FHIP1A: variants seen among roughly 807,000 people sequenced by gnomAD.
FHIP1A encodes FHF complex subunit HOOK interacting protein 1A.
FHIP1A carries 61 observed loss-of-function variants against 88.6 expected under a neutral mutation model. The observed-to-expected ratio is 0.69, with a 90% CI of 0.56 to 0.85. FHIP1A has a LOEUF of 0.85. Ranked by LOEUF, FHIP1A falls within the 40% of genes least tolerant of loss-of-function variation. The probability of loss-of-function intolerance (pLI) is 0.00; values close to 1 mark genes in which losing one functional copy is unlikely to be tolerated. For missense variants in FHIP1A, 1,154 were observed against 1,273.5 expected, an observed-to-expected ratio of 0.91 and a Z score of 1.43; for synonymous variants, 478 against 496.0, an observed-to-expected ratio of 0.96 and a Z score of 0.48.
intron 3 of FHIP1A, among the ~76,000 whole-genome samples, chr4:151,508,519 T>C (rs1331504713): frequency 6.6e-6 from 1 of 152,138 alleles, no homozygotes; most frequent in Admixed American, 6.5e-5. Context: ...AAATGATGAG[T>C]GGTGAGAAAG....
Position 151,577,901 on chromosome 4 carries a change from C to T in FHIP1A, c.557C>T (p.Thr186Ile). ...TCCATTTTAGAACTCTTCTTCCACA[C>T]TAGTGAAGACCAAGGCGCTGCCAAC... is the stretch of plus-strand genomic sequence containing the variant. ...DPSILELFFH[T>I]SEDQGAANFL... The change falls in exon 5 of 14, where the codon ACT (threonine) becomes ATT (isoleucine). Residue 186 changes from threonine (T) to isoleucine (I), a missense_variant. Coordinates refer to ENST00000435205, the MANE Select transcript of FHIP1A (RefSeq NM_001109977.3). 6.4e-7 allele frequency: 1 copy of T among 1,551,752 alleles called. No individual in the cohort carries two copies. The highest frequency in any genetic ancestry group is 8.7e-7 in the Non-Finnish European group (1 of 1,146,960).
intron 3 of FHIP1A, among the ~76,000 whole-genome samples, chr4:151,483,003 G>A (rs1304581976): frequency 1.3e-5 from 2 of 152,004 alleles, no homozygotes; most frequent in African/African-American, 2.4e-5. Context: ...CCAAGAAGGA[G>A]CAATAACATA....
intron 1 of FHIP1A, among the ~76,000 whole-genome samples, chr4:151,427,378 CTG>C (rs1407014249): frequency 6.6e-6 from 1 of 152,028 alleles, no homozygotes; most frequent in African/African-American, 2.4e-5. Context: ...TAAAATTAGA[CTG>C]TCTTTTTTTA....
chr4:151,485,628 G>C (rs1730056703), intron 3 of FHIP1A, among the ~76,000 whole-genome samples: 1 of 150,614 alleles, frequency 6.6e-6, no homozygotes, highest in South Asian at 2.1e-4. Flanking sequence ...CCTCACTCTG[G>C]TTGCCCAGAC....
intron 7 of FHIP1A, among the ~76,000 whole-genome samples, chr4:151,599,189 T>TA (rs1258080904): frequency 6.6e-6 from 1 of 152,222 alleles, no homozygotes; most frequent in Non-Finnish European, 1.5e-5. Flanking sequence ...ACATAGGTAA[T>TA]ATAGGAATTA....
chr4:151,646,345 A>G (rs1356442278), intron 9 of FHIP1A, among the ~76,000 whole-genome samples: 4 of 152,256 alleles, frequency 2.6e-5, no homozygotes, highest in Non-Finnish European at 5.9e-5. Context: ...AGATTGAATT[A>G]TAAAGACCAT....
At chr4:151,551,848 C>CGTG (rs1732746864) in intron 3 of FHIP1A, among the ~76,000 whole-genome samples, 1 of 152,014 alleles carries the variant, frequency 6.6e-6, no homozygotes. Flanking sequence ...TCTAATTAAA[C>CGTG]TAAAGAGTGC....
chr4:151,611,581 C>T (rs534403137), intron 7 of FHIP1A, among the ~76,000 whole-genome samples: 1 of 152,274 alleles, frequency 6.6e-6, no homozygotes, highest in African/African-American at 2.4e-5. Context: ...ATCAAGACAT[C>T]AAACTTTCTG....
chr4:151,474,239 G>A (rs1458366420), intron 2 of FHIP1A, among the ~76,000 whole-genome samples: 2 of 152,064 alleles, frequency 1.3e-5, no homozygotes, highest in Non-Finnish European at 2.9e-5. Flanking sequence ...TTACTATTTA[G>A]AAAATAACAC....
intron 7 of FHIP1A, among the ~76,000 whole-genome samples, chr4:151,597,862 T>C (rs1734710189): frequency 6.6e-6 from 1 of 152,140 alleles, no homozygotes; most frequent in African/African-American, 2.4e-5. Flanking sequence ...GCCTCAGTAA[T>C]GGTGGATGCC....
At chr4:151,509,763 G>T (rs915656123) in intron 3 of FHIP1A, among the ~76,000 whole-genome samples, 1 of 145,424 alleles carries the variant, frequency 6.9e-6, no homozygotes, top group African/African-American at 2.5e-5. Flanking sequence ...CTATGTTTGT[G>T]TGTGTGTGTG....
intron 2 of FHIP1A, among the ~76,000 whole-genome samples, chr4:151,468,284 C>CAAAAAAAAAAAAA (rs921242622): frequency 2.6e-5 from 1 of 38,322 alleles, no homozygotes; most frequent in Non-Finnish European, 5.5e-5. Context: ...GACTCCATCT[C>CAAAAAAAAAAAAA]AAAAAAAAAA....
chr4:151,523,938 T>C (rs1731537910), intron 3 of FHIP1A, among the ~76,000 whole-genome samples: 1 of 152,236 alleles, frequency 6.6e-6, no homozygotes, highest in South Asian at 2.1e-4. Flanking sequence ...TCTGCTGTGA[T>C]GCCATCCAAG....
chr4:151,481,398 T>C (rs375391272), intron 2 of FHIP1A, among the ~76,000 whole-genome samples: 1 of 152,072 alleles, frequency 6.6e-6, no homozygotes. Flanking sequence ...AAGTTTTTAA[T>C]GGCCAACAGA....
chr4:151,411,350 T>TATA (rs376933162), intron 1 of FHIP1A, among the ~76,000 whole-genome samples: 5 of 121,266 alleles, frequency 4.1e-5, no homozygotes, highest in East Asian at 6.2e-4. Flanking sequence ...TATATATATA[T>TATA]TTTTTTTTTT....
chr4:151,605,641 G>A lies in FHIP1A; in HGVS notation c.978+16715G>A, dbSNP rs188391940. Among the ~76,000 whole-genome samples, 46 of 152,320 alleles carry A rather than the reference G, an allele frequency of 3.0e-4. No individual in the cohort carries two copies. The East Asian group carries it at 8.3e-3, about 27-fold the overall frequency. On this transcript the variant is annotated intron_variant, in intron 7 of 13. Coordinates refer to ENST00000435205, the MANE Select transcript of FHIP1A (RefSeq NM_001109977.3). ...GAATAATTTCAGCCATTTCCTTAAA[G>A]GCATGTGTGCTGGGTTCATATAAGC... is the stretch of plus-strand genomic sequence containing the variant.
intron 3 of FHIP1A, among the ~76,000 whole-genome samples, chr4:151,563,998 C>T (rs1020269287): frequency 3.9e-5 from 6 of 152,014 alleles, no homozygotes; most frequent in Non-Finnish European, 8.8e-5. Flanking sequence ...TCTAATAAAA[C>T]AACAACAACA....
intron 7 of FHIP1A, among the ~76,000 whole-genome samples, chr4:151,598,303 C>T (rs1171035134): frequency 4.6e-5 from 7 of 152,270 alleles, no homozygotes; most frequent in South Asian, 2.1e-4. Flanking sequence ...CCCGACTCCT[C>T]GAGCTTCCCA....
At chr4:151,443,958 GCTAA>G (rs1224827876) in intron 1 of FHIP1A, among the ~76,000 whole-genome samples, 4 of 151,484 alleles carry the variant, frequency 2.6e-5, no homozygotes, top group East Asian at 1.9e-4. Flanking sequence ...AGATGGGAGT[GCTAA>G]CTGTCATCAC....
Sources: allele counts gnomAD v4.1 joint callset (sites outside exome capture counted in the v4.1 genomes callset), GRCh38; gene constraint gnomAD v4.1.1; transcripts MANE v1.5; gene names NCBI Gene and HGNC (gene_info 2026-07-23, HGNC 2026-07-21).